The following RBFOX1 variants were observed in gnomAD, a reference collection of about 807,000 sequenced individuals.
RBFOX1 encodes RNA binding protein fox-1 homolog 1.
RBFOX1 carries 8 observed loss-of-function variants against 57.7 expected under a neutral mutation model. The observed-to-expected ratio is 0.14, with a 90% CI of 0.08 to 0.25. RBFOX1 has a LOEUF of 0.25. RBFOX1 is among the 10% of genes least tolerant of loss of function. The pLI, the probability that RBFOX1 is intolerant of heterozygous loss-of-function variation, is 1.00. For missense variants in RBFOX1, 611 were observed against 548.5 expected (o/e 1.11, Z -1.14); for synonymous variants, 326 against 222.4 (o/e 1.47, Z -4.15).
intron 3 of RBFOX1, among the ~76,000 whole-genome samples, chr16:6,915,850 C>T (rs1377151342): frequency 6.6e-6 from 1 of 152,154 alleles, no homozygotes; most frequent in African/African-American, 2.4e-5. Context: ...CTATGCCCAG[C>T]CTTCATTCCT....
chr16:6,927,870 T>TTACATTTCAA (rs991107031), intron 3 of RBFOX1, among the ~76,000 whole-genome samples: 18 of 152,236 alleles, frequency 1.2e-4, no homozygotes, highest in Middle Eastern at 3.4e-3. Flanking sequence ...ATTTCAAGTG[T>TTACATTTCAA]GTACATATAC....
chr16:5,852,247 A>C (rs1038439805), intron 3 of RBFOX1, among the ~76,000 whole-genome samples: 2 of 152,068 alleles, frequency 1.3e-5, no homozygotes, highest in South Asian at 2.1e-4. Context: ...CTCTGCCTCA[A>C]ATGCCCTCCC....
At chr16:7,101,562 T>C (rs1024352096) in intron 4 of RBFOX1, among the ~76,000 whole-genome samples, 2 of 152,120 alleles carry the variant, frequency 1.3e-5, no homozygotes, top group African/African-American at 2.4e-5. Context: ...AGATCACATA[T>C]TGAACAGTGG....
intron 3 of RBFOX1, among the ~76,000 whole-genome samples, chr16:6,669,474 C>G (rs75608115): frequency 0.015 from 2,304 of 151,650 alleles, 34 homozygotes; most frequent in African/African-American, 0.049. Flanking sequence ...TTCATATTTT[C>G]TTTGTTTTTT....
intron 4 of RBFOX1, among the ~76,000 whole-genome samples, chr16:7,307,935 G>T (rs180869429): frequency 1.3e-5 from 2 of 152,280 alleles, no homozygotes; most frequent in Admixed American, 1.3e-4. Context: ...TCTTGAAGCT[G>T]AACTTAGAAC....
At chr16:6,970,593 G>A (rs899446736) in intron 3 of RBFOX1, among the ~76,000 whole-genome samples, 3 of 152,132 alleles carry the variant, frequency 2.0e-5, no homozygotes, top group Non-Finnish European at 4.4e-5. Context: ...TCACATGGTG[G>A]AAGGGAAAAA....
At chr16:5,745,099 C>A (rs910378605) in intron 3 of RBFOX1, among the ~76,000 whole-genome samples, 2 of 152,200 alleles carry the variant, frequency 1.3e-5, no homozygotes, top group Non-Finnish European at 2.9e-5. Context: ...CCCCTTCCCC[C>A]ACCTCATGAC....
chr16:6,929,488 C>T (rs1452392897), intron 3 of RBFOX1, among the ~76,000 whole-genome samples: 3 of 152,088 alleles, frequency 2.0e-5, no homozygotes, highest in Non-Finnish European at 4.4e-5. Context: ...GTTTTTGACA[C>T]AGTGCTTTGC....
At chr16:5,715,412 G>A (rs893900863) in intron 3 of RBFOX1, among the ~76,000 whole-genome samples, 2 of 152,102 alleles carry the variant, frequency 1.3e-5, no homozygotes, top group African/African-American at 4.8e-5. Flanking sequence ...CAGTTGACAT[G>A]CACCACATTG....
chr16:6,654,102 G>A (rs1015071517), intron 2 of RBFOX1, among the ~76,000 whole-genome samples: 5 of 125,516 alleles, frequency 4.0e-5, no homozygotes, highest in African/African-American at 1.0e-4. Flanking sequence ...GGGCATGGCT[G>A]TTTGGGTGGA....
intron 4 of RBFOX1, among the ~76,000 whole-genome samples, chr16:7,309,110 A>C (rs1042277829): frequency 3.9e-5 from 6 of 152,246 alleles, no homozygotes; most frequent in African/African-American, 1.4e-4. Context: ...TTCCAGGCCC[A>C]GGTGGCTGCC....
chr16:5,374,594 T>C (rs904011255), intron 1 of RBFOX1, among the ~76,000 whole-genome samples: 2 of 152,014 alleles, frequency 1.3e-5, no homozygotes, highest in Admixed American at 1.3e-4. Context: ...TAAGAGGGTT[T>C]TGAATGGTTG....
intron 2 of RBFOX1, among the ~76,000 whole-genome samples, chr16:6,378,084 TC>T (rs1035657562): frequency 2.6e-5 from 4 of 152,208 alleles, no homozygotes; most frequent in African/African-American, 9.7e-5. Flanking sequence ...AAAGAGGGGC[TC>T]CACCCTGTGC....
chr16:6,107,433 C>T (rs1423807408), intron 1 of RBFOX1, among the ~76,000 whole-genome samples: 1 of 152,112 alleles, frequency 6.6e-6, no homozygotes, highest in East Asian at 1.9e-4. Context: ...AAGACACACT[C>T]CTCTGAAGCT....
chr16:6,530,274 C>T (rs17140523), intron 2 of RBFOX1, among the ~76,000 whole-genome samples: 45,584 of 151,898 alleles, frequency 0.3, 7,250 homozygotes, highest in East Asian at 0.41. Context: ...CTCTCAAGCT[C>T]AACAGTGTGC....
At chr16:6,016,251 C>G (rs543076139), upstream of RBFOX1, among the ~76,000 whole-genome samples, 1 of 152,276 alleles carries the variant, frequency 6.6e-6, no homozygotes, top group East Asian at 1.9e-4. Flanking sequence ...AACACCTTAT[C>G]TGTGCCTATG....
chr16:6,987,841 C>T (rs1484318727), intron 3 of RBFOX1, among the ~76,000 whole-genome samples: 1 of 152,050 alleles, frequency 6.6e-6, no homozygotes, highest in Non-Finnish European at 1.5e-5. Context: ...ATTAGAAATC[C>T]AGGTTTATTG....
chr16:6,534,889 A>G (rs2096714052), intron 2 of RBFOX1, among the ~76,000 whole-genome samples: 1 of 152,184 alleles, frequency 6.6e-6, no homozygotes, highest in South Asian at 2.1e-4. Flanking sequence ...AAGTCCAATG[A>G]GGCATATCCT....
chr16:6,165,932 G>A (rs974684943), intron 1 of RBFOX1, among the ~76,000 whole-genome samples: 1 of 152,242 alleles, frequency 6.6e-6, no homozygotes, highest in African/African-American at 2.4e-5. Flanking sequence ...TGGAATTGCC[G>A]GGATGTTGTC....
Sources: gnomAD v4.1 joint callset for allele counts (sites outside exome capture counted in the v4.1 genomes callset) on GRCh38, gnomAD v4.1.1 for gene constraint, MANE v1.5 for transcripts, NCBI Gene and HGNC (gene_info 2026-07-23, HGNC 2026-07-21) for gene names.